The following DICER1 variants were observed in gnomAD, a reference collection of about 807,000 sequenced individuals.
DICER1 encodes dicer 1, ribonuclease III, also known as endoribonuclease Dicer.
DICER1 carries 43 observed loss-of-function variants against 194.1 expected under a neutral mutation model. The ratio of observed to expected loss-of-function variants is 0.22; its 90% CI spans 0.17 to 0.29. The LOEUF is 0.29. Ranked by LOEUF, DICER1 falls within the 10% of genes least tolerant of loss-of-function variation. The pLI is 1.00. For synonymous variants in DICER1, 832 were observed against 820.5 expected (o/e 1.01, Z -0.24); for missense variants, 1,608 against 2,317.0 (o/e 0.69, Z 6.28).
chr14:95,115,281 C>A (rs1892335291), intron 11 of DICER1, among the ~76,000 whole-genome samples: 2 of 151,948 alleles, frequency 1.3e-5, no homozygotes, highest in Admixed American at 1.3e-4. Flanking sequence ...TTACAATGTA[C>A]CCAAAAACAT....
Position 95,090,410 on chromosome 14 carries a change from A to T in DICER1, c.*88T>A, listed in dbSNP as rs13078. ...TGCCTTCAATTCATTCCACTCACTA[A>T]CAACTTTAAGTCTTCCTTTCCGATT... is the stretch of plus-strand genomic sequence containing the variant. On this transcript the variant is annotated 3_prime_UTR_variant, in exon 27 of 27. Coordinates refer to ENST00000343455, the MANE Select transcript of DICER1 (RefSeq NM_177438.3). 0.83 allele frequency: 1,219,443 copies of T among 1,469,042 alleles called. 507,926 individuals are homozygous for T. Among genetic ancestry groups the T allele is most frequent in the East Asian group, 0.96 (42,082 of 43,984 alleles). The allele number at this position is 1,469,042 out of a possible 1,614,324, so 91.0% of individuals were successfully genotyped here.
In DICER1 at chr14:95,115,715, T is replaced by C. The variant is rs1595406125; in HGVS notation, c.1859A>G (p.Asp620Gly). ...GTTGATTGTGACTCGTGGACCACCA[T>C]CGTCAGGCCTCAACACATATGGTGG... ...VFPPYVLRPDDGGPRVTINTA... is the reference protein window; with the variant it reads ...VFPPYVLRPDGGGPRVTINTA... The change falls in exon 11 of 27, where the codon GAT (aspartate) becomes GGT (glycine). Residue 620 changes from aspartate to glycine, a missense_variant. Asp to Gly is a moderately conservative substitution (Grantham distance 94, BLOSUM62 -1). Around this residue, in one of 10 missense-constraint regions of DICER1, gnomAD observed 657 missense variants for 910.1 expected, o/e 0.72. Transcript: ENST00000343455. The C allele has an allele frequency of 6.2e-7, 1 of 1,614,118 alleles. No homozygotes were observed. The highest frequency in any genetic ancestry group is 1.1e-5 in the South Asian group (1 of 91,064).
chr14:95,091,640 A>T (rs1889850694), intron 24 of DICER1, among the ~76,000 whole-genome samples: 1 of 152,266 alleles, frequency 6.6e-6, no homozygotes, highest in Non-Finnish European at 1.5e-5. Flanking sequence ...CTAACTTTAA[A>T]CAACCTTAAC....
chr14:95,124,728 G>A lies in DICER1; in HGVS notation c.904-60C>T. The A allele has an allele frequency of 1.4e-6, 2 of 1,397,466 alleles. No individual in the cohort carries two copies. The highest frequency in any genetic ancestry group is 2.0e-6 in the Non-Finnish European group (2 of 988,998). 86.6% of individuals were successfully genotyped at this position (1,397,466 alleles called of 1,614,324 possible). A position where few individuals can be genotyped will look rare whatever the true frequency, so the allele number is the denominator to read the frequency against. Reference sequence around the variant, plus strand: ...AATAATAATAATGTAGCATTTTCATGTGGGGTTTAACTGGGATTTCAGTTG... The same window carrying A: ...AATAATAATAATGTAGCATTTTCATATGGGGTTTAACTGGGATTTCAGTTG... On this transcript the variant is annotated intron_variant, in intron 7 of 26. Transcript: ENST00000343455. This position sits in a 1 kb window ranked among gnomAD's most constrained non-coding sequence, Gnocchi z 4.5.
At chr14:95,130,348 C>T (rs547037256) in intron 4 of DICER1, among the ~76,000 whole-genome samples, 156 bp from the exon 5 acceptor site, 2 of 152,080 alleles carry the variant, frequency 1.3e-5, no homozygotes, top group South Asian at 2.1e-4. Flanking sequence ...TAATTTTATA[C>T]ATCAGAACTA....
At chr14:95,132,242 A>T (rs573489662) in intron 3 of DICER1, among the ~76,000 whole-genome samples, 1 of 152,354 alleles carries the variant, frequency 6.6e-6, no homozygotes, top group African/African-American at 2.4e-5. Flanking sequence ...AGAAAAAAAT[A>T]AATGTAACAA....
chr14:95,119,072 A>G (rs1892729122), intron 8 of DICER1, among the ~76,000 whole-genome samples: 1 of 152,234 alleles, frequency 6.6e-6, no homozygotes, highest in South Asian at 2.1e-4. Flanking sequence ...AACATGTCCA[A>G]AAGTCTAAAA....
At chr14:95,140,927 TA>T (rs952644004) in intron 1 of DICER1, among the ~76,000 whole-genome samples, 1 of 152,072 alleles carries the variant, frequency 6.6e-6, no homozygotes, top group African/African-American at 2.4e-5. Context: ...AGGCTTACCC[TA>T]AAACAAAGAA....
chr14:95,131,326 T>G lies in DICER1; in HGVS notation c.438+183A>C, dbSNP rs369184105. Among the ~76,000 whole-genome samples, 44 of 152,264 alleles carry G rather than the reference T, an allele frequency of 2.9e-4. 1 individual carries two copies. The East Asian group carries it at 6.7e-3, about 23-fold the overall frequency. On this transcript the variant is annotated intron_variant, in intron 4 of 26. Transcript: ENST00000343455. ...AGACGTCAGCCACTGCATCCGGCCT[T>G]TATTTGGTTTTAAGGTAAGACTTAC...
At chr14:95,095,046 T>G (rs187580219) in intron 23 of DICER1, among the ~76,000 whole-genome samples, 2 of 152,242 alleles carry the variant, frequency 1.3e-5, no homozygotes, top group Non-Finnish European at 2.9e-5. Context: ...CAGAGTCAGA[T>G]AGTTTTTCAC....
At chr14:95,108,250 A>T in intron 15 of DICER1, 74 bp downstream of exon 15, 1 of 1,420,428 alleles carries the variant, frequency 7.0e-7, no homozygotes, top group Non-Finnish European at 9.9e-7. Context: ...AAAGGTACTT[A>T]CTACTAGTTT....
At chr14:95,123,653 G>A (rs1321902777) in intron 8 of DICER1, among the ~76,000 whole-genome samples, 1 of 152,072 alleles carries the variant, frequency 6.6e-6, no homozygotes, top group African/African-American at 2.4e-5. Context: ...CAATCTACCT[G>A]CCTCTGGCTC....
chr14:95,144,820 T>C (rs906316895), intron 1 of DICER1, among the ~76,000 whole-genome samples: 8 of 152,176 alleles, frequency 5.3e-5, no homozygotes, highest in Non-Finnish European at 7.4e-5. Context: ...TCAGGAAAAG[T>C]TCTATGCCTT....
intron 14 of DICER1, among the ~76,000 whole-genome samples, chr14:95,109,309 A>C (rs1891743617): frequency 6.6e-6 from 1 of 152,260 alleles, no homozygotes; most frequent in Non-Finnish European, 1.5e-5. Flanking sequence ...AAAAGGTACA[A>C]AAATGCTGGT....
At chr14:95,134,958 C>T (rs1156444385) in intron 1 of DICER1, among the ~76,000 whole-genome samples, 1 of 152,180 alleles carries the variant, frequency 6.6e-6, no homozygotes. Flanking sequence ...ATTCCTTTTA[C>T]CCTAGTACCC....
rs749900564 is a variant in DICER1, at chr14:95,094,081, G to C, written c.5171C>G (p.Pro1724Arg). ...CAGGACCCCCGGGGAGTGCTGCCGCGGGTCTTCATAAAGGTGCTTGGTTAT... is the reference window on the plus strand; with the variant it reads ...CAGGACCCCCGGGGAGTGCTGCCGCCGGTCTTCATAAAGGTGCTTGGTTAT... ...YLITKHLYED[P>R]RQHSPGVLTD... Residue 1724 changes from proline (P) to arginine (R), a missense_variant, in exon 24 of 27, where the codon CCG becomes CGG. By Grantham distance (103) the Pro-to-Arg change is moderately radical. This residue lies in a region of DICER1 where 138 missense variants were observed against 298.3 expected (regional missense o/e 0.46). Coordinates refer to ENST00000343455, the MANE Select transcript of DICER1 (RefSeq NM_177438.3). 8 of 1,613,914 alleles carry C rather than the reference G, an allele frequency of 5.0e-6. No homozygotes were observed. Among genetic ancestry groups the C allele is most frequent in the Non-Finnish European group, 8.5e-7 (1 of 1,179,996 alleles).
chr14:95,096,376 C>T lies in DICER1; in HGVS notation c.4544G>A (p.Ser1515Asn), dbSNP rs761666375. ...AAAGTCATCTTCTTCAACAGCTTTG[C>T]TAGGATCCAGATAGCACATTGCATC... ...SWDAMCYLDP[S>N]KAVEEDDFVV... Residue 1515 changes from serine (S) to asparagine (N), a missense_variant, in exon 23 of 27, where the codon AGC becomes AAC. Ser to Asn is a conservative substitution (Grantham distance 46, BLOSUM62 1). Coordinates refer to ENST00000343455, the MANE Select transcript of DICER1 (RefSeq NM_177438.3). The T allele has an allele frequency of 6.2e-7, 1 of 1,614,132 alleles. No homozygotes were observed. Among genetic ancestry groups the T allele is most frequent in the Non-Finnish European group, 8.5e-7 (1 of 1,179,990 alleles).
Position 95,129,733 on chromosome 14 carries a change from G to T in DICER1, c.574-101C>A, listed in dbSNP as rs558092465. 3.5e-6 allele frequency: 4 copies of T among 1,130,656 alleles called. No individual in the cohort carries two copies. In the African/African-American group the frequency reaches 4.7e-5, roughly 13 times the overall value. 70.0% of individuals were successfully genotyped at this position (1,130,656 alleles called of 1,614,324 possible). A position where few individuals can be genotyped will look rare whatever the true frequency, so the allele number is the denominator to read the frequency against. On this transcript the variant is annotated intron_variant, in intron 5 of 26. Transcript: ENST00000343455. ...AACATATCAAAATCACTAACAAATA[G>T]TAAAAAAGAATTTGTTTGGTGGAAA...
In DICER1 at chr14:95,103,388, A is replaced by C. The variant is rs754366233; in HGVS notation, c.4008T>G (p.Pro1336=). ...ATGAAAGGCGGCCCTCATGCGCATC[A>C]GGGTAAGTGCAAAATAGATATGTGG... ...AITTYLFCTY[P]DAHEGRLSYM... is the part of the protein sequence containing the mutation. The change falls in exon 21 of 27, where the codon CCT becomes CCG. Residue 1336 remains proline (P), a synonymous_variant. Transcript: ENST00000343455. 6.2e-7 allele frequency: 1 copy of C among 1,614,228 alleles called. No homozygotes were observed. Among genetic ancestry groups the C allele is most frequent in the South Asian group, 1.1e-5 (1 of 91,084 alleles).
Sources: allele counts gnomAD v4.1 joint callset (sites outside exome capture counted in the v4.1 genomes callset), GRCh38; gene constraint gnomAD v4.1.1; regional missense constraint gnomAD v4.1.1; non-coding constraint Gnocchi (gnomAD v3.1); transcripts MANE v1.5; gene names NCBI Gene and HGNC (gene_info 2026-07-23, HGNC 2026-07-21).